Variants in CDH9 observed in about 807,000 individuals in gnomAD.
The protein encoded by CDH9 is cadherin-9.
Under a neutral mutation model 70.9 loss-of-function variants are expected in CDH9, and 28 were observed. The observed-to-expected ratio is 0.40, with a 90% CI of 0.29 to 0.54. The LOEUF (loss-of-function observed/expected upper bound fraction) is 0.54, where lower values mean the gene tolerates loss of function less well. CDH9 is among the 20% of genes least tolerant of loss of function. The probability of loss-of-function intolerance (pLI) is 0.59; values close to 1 mark genes in which losing one functional copy is unlikely to be tolerated. For missense variants in CDH9, 874 were observed against 984.4 expected (o/e 0.89, Z 1.50); for synonymous variants, 409 against 343.1 (o/e 1.19, Z -2.12).
chr5:26,933,888 T>TCCCATG (rs1278056493), intron 2 of CDH9, among the ~76,000 whole-genome samples: 8 of 152,142 alleles, frequency 5.3e-5, no homozygotes, highest in African/African-American at 1.7e-4. Context: ...CACAGGATAG[T>TCCCATG]AAACAAATAT....
At chr5:26,957,518 C>A (rs879260642) in intron 2 of CDH9, among the ~76,000 whole-genome samples, 1 of 151,924 alleles carries the variant, frequency 6.6e-6, no homozygotes, top group African/African-American at 2.4e-5. Context: ...AAAAATTAGC[C>A]GGGCGTGGAG....
chr5:26,904,104 A>G (rs1291783728), intron 5 of CDH9, among the ~76,000 whole-genome samples: 2 of 151,934 alleles, frequency 1.3e-5, no homozygotes, highest in African/African-American at 2.4e-5. Flanking sequence ...ATAAGAATCC[A>G]GAACTTTTGG....
chr5:26,944,936 C>A (rs892260008), intron 2 of CDH9, among the ~76,000 whole-genome samples: 2 of 139,368 alleles, frequency 1.4e-5, no homozygotes, highest in Admixed American at 7.9e-5. Flanking sequence ...AAACTTAAAT[C>A]TTTGATATAC....
rs1469339026 is a variant in CDH9, at chr5:26,971,960, T to C, written c.228+16146A>G. On this transcript the variant is annotated intron_variant, in intron 2 of 11. Coordinates refer to ENST00000231021, the MANE Select transcript of CDH9 (RefSeq NM_016279.4). ...AATAAAATGGAAGGTATGAATAAAC[T>C]GGGAAAGTGAAGTGATTAAATGGTA... is the stretch of plus-strand genomic sequence containing the variant. Among the ~76,000 whole-genome samples, 3 of 152,226 alleles carry C rather than the reference T, an allele frequency of 2.0e-5. No homozygotes were observed. The South Asian group carries it at 6.2e-4, about 32-fold the overall frequency.
intron 2 of CDH9, among the ~76,000 whole-genome samples, chr5:26,952,958 T>C (rs1240914830): frequency 7.2e-6 from 1 of 138,594 alleles, no homozygotes; most frequent in East Asian, 2.1e-4. Flanking sequence ...GAAAAGTGAG[T>C]CAATTTTAAA....
At chr5:26,971,766 TAC>T (rs34714145) in intron 2 of CDH9, among the ~76,000 whole-genome samples, 70,087 of 150,940 alleles carry the variant, frequency 0.46, 17,062 homozygotes, top group Non-Finnish European at 0.53. Context: ...TGCATTAAAA[TAC>T]ACACACACAC....
chr5:26,883,040 CTTATATATATAT>C (rs1228513415), intron 11 of CDH9, among the ~76,000 whole-genome samples: 7 of 28,378 alleles, frequency 2.5e-4, no homozygotes, highest in African/African-American at 6.8e-4. Flanking sequence ...TCAGGATCAT[CTTATATATATAT>C]ATATATATAT....
intron 2 of CDH9, among the ~76,000 whole-genome samples, chr5:26,941,173 G>A (rs978155419): frequency 3.9e-5 from 6 of 152,178 alleles, no homozygotes; most frequent in African/African-American, 1.4e-4. Context: ...GTCAGGGAGT[G>A]ACTCTTGCTA....
At chr5:26,916,810 T>C (rs1289860234) in intron 2 of CDH9, among the ~76,000 whole-genome samples, 3 of 151,986 alleles carry the variant, frequency 2.0e-5, no homozygotes, top group Admixed American at 1.3e-4. Context: ...TCTGAGAGAA[T>C]AGTTCTTCAA....
rs988450032 is a variant in CDH9 at position 27,037,188 on chromosome 5, C to A, written c.-50+1275G>T. On this transcript the variant is annotated intron_variant, in intron 1 of 11. Transcript: ENST00000231021. ...AACTCTTCCAAATTCATAGATAAAG[C>A]AAAGGGAGTCGAAGGAAGATTCCCT... Among the ~76,000 whole-genome samples the A allele has an allele frequency of 3.3e-5, 5 of 151,870 alleles. No homozygotes were observed. In the South Asian group the frequency reaches 1.0e-3, roughly 32 times the overall value.
rs59882843 is a variant in CDH9, at chr5:26,954,388, C to CTTTTTTTTTTTTTTTTTTTTTTTTTTTT, written c.228+33717_228+33718insAAAAAAAAAAAAAAAAAAAAAAAAAAAA. ...AGCTTTTCGCTATTATACAGCCTTT[C>CTTTTTTTTTTTTTTTTTTTTTTTTTTTT]TTTTTTTTTTTTTTGAGACATAGTC... On this transcript the variant is annotated intron_variant, in intron 2 of 11. Coordinates refer to ENST00000231021, the MANE Select transcript of CDH9 (RefSeq NM_016279.4). Among the ~76,000 whole-genome samples the CTTTTTTTTTTTTTTTTTTTTTTTTTTTT allele has an allele frequency of 2.6e-3, 238 of 93,040 alleles. 40 individuals carry two copies. The highest frequency in any genetic ancestry group is 6.0e-3 in the African/African-American group (127 of 21,258). 61.0% of individuals were successfully genotyped at this position (93,040 alleles called of 152,430 possible).
At chr5:27,011,092 A>C (rs1293797927) in intron 1 of CDH9, among the ~76,000 whole-genome samples, 1 of 152,064 alleles carries the variant, frequency 6.6e-6, no homozygotes, top group Non-Finnish European at 1.5e-5. Context: ...GATTATTTCT[A>C]AAGTTAGAGG....
intron 2 of CDH9, among the ~76,000 whole-genome samples, chr5:26,948,261 C>T (rs1008923133): frequency 1.3e-5 from 2 of 152,220 alleles, no homozygotes; most frequent in African/African-American, 2.4e-5. Flanking sequence ...AAGGCAGTGC[C>T]TCAGGCAGGC....
intron 1 of CDH9, 140 bp from the exon 2 acceptor site, chr5:26,988,522 C>T (rs760219878): frequency 3.5e-4 from 236 of 672,724 alleles, no homozygotes; most frequent in Non-Finnish European, 6.1e-5. Flanking sequence ...TATCAGTGAA[C>T]GGTCATGAAA....
At chr5:26,976,628 T>C (rs1484022373) in intron 2 of CDH9, among the ~76,000 whole-genome samples, 3 of 152,050 alleles carry the variant, frequency 2.0e-5, no homozygotes, top group Non-Finnish European at 4.4e-5. Flanking sequence ...TGTGTAAAGA[T>C]GAGGTTTTGC....
chr5:27,017,786 T>C (rs1342872169), intron 1 of CDH9, among the ~76,000 whole-genome samples: 1 of 152,028 alleles, frequency 6.6e-6, no homozygotes, highest in Admixed American at 6.6e-5. Flanking sequence ...GCAAAGACAC[T>C]TGGGAGGTAG....
chr5:26,988,339 G>T lies in CDH9; in HGVS notation c.-6C>A. On this transcript the variant is annotated 5_prime_UTR_variant, in exon 2 of 12. Coordinates refer to ENST00000231021, the MANE Select transcript of CDH9 (RefSeq NM_016279.4). ...ATATAATGGTAAGTCCTCATTATCTGCAACTTCAGTGGGTTGTCAAATTCA... is the reference window on the plus strand; with the variant it reads ...ATATAATGGTAAGTCCTCATTATCTTCAACTTCAGTGGGTTGTCAAATTCA... 1 of 1,602,904 alleles carries T rather than the reference G, an allele frequency of 6.2e-7. No individual in the cohort carries two copies. Among genetic ancestry groups the T allele is most frequent in the Non-Finnish European group, 8.5e-7 (1 of 1,172,152 alleles).
chr5:26,987,963 A>G (rs553590069), intron 2 of CDH9, 143 bp downstream of exon 2: 61 of 626,234 alleles, frequency 9.7e-5, no homozygotes, highest in Middle Eastern at 4.3e-4. Flanking sequence ...GTTCTTCCCC[A>G]CTAAAATAGT....
chr5:26,939,262 T>A (rs990255402), intron 2 of CDH9, among the ~76,000 whole-genome samples: 5 of 151,740 alleles, frequency 3.3e-5, no homozygotes, highest in Non-Finnish European at 7.4e-5. Context: ...CAGGTAAAAT[T>A]GTTTTAATAT....
Sources: gnomAD v4.1 joint callset for allele counts (sites outside exome capture counted in the v4.1 genomes callset) on GRCh38, gnomAD v4.1.1 for gene constraint, MANE v1.5 for transcripts, NCBI Gene and HGNC (gene_info 2026-07-23, HGNC 2026-07-21) for gene names.